Variants in ITGAE observed in about 807,000 individuals in gnomAD.
The protein encoded by ITGAE is integrin alpha-E.
Under a neutral mutation model 136.5 loss-of-function variants are expected in ITGAE, and 99 were observed. The ratio of observed to expected loss-of-function variants is 0.73; its 90% CI spans 0.62 to 0.86. The LOEUF (loss-of-function observed/expected upper bound fraction) is 0.86, where lower values mean the gene tolerates loss of function less well. Ranked by LOEUF, ITGAE falls within the 40% of genes least tolerant of loss-of-function variation. ITGAE has a pLI of 0.00. For missense variants in ITGAE, 1,447 were observed against 1,515.3 expected (o/e 0.95, Z 0.75); for synonymous variants, 613 against 591.8 (o/e 1.04, Z -0.52).
chr17:3,767,536 C>G (rs1416777508), intron 2 of ITGAE, among the ~76,000 whole-genome samples: 3 of 152,196 alleles, frequency 2.0e-5, no homozygotes. Context: ...CCTGACTCTC[C>G]AAATTATTTC....
chr17:3,792,058 C>G (rs1374419887), intron 1 of ITGAE, among the ~76,000 whole-genome samples: 1 of 152,116 alleles, frequency 6.6e-6, no homozygotes. Context: ...TCTCTCATCC[C>G]TGCATTTAAG....
chr17:3,751,748 C>T lies in ITGAE; in HGVS notation c.1795G>A (p.Ala599Thr). Residue 599 changes from alanine (A) to threonine (T), a missense_variant, in exon 15 of 31, where the codon GCC becomes ACC. By Grantham distance (58) the Ala-to-Thr change is moderately conservative. Transcript: ENST00000263087. ...TCTGCCCCAAAACCTTCCAGGGGGG[C>T]CCCGATGGCCACATCTGTGAGCTTA... Reference protein sequence around the residue: ...QDKLTDVAIGAPLEGFGADDG... With the variant: ...QDKLTDVAIGTPLEGFGADDG... The T allele has an allele frequency of 6.2e-7, 1 of 1,614,070 alleles. No individual in the cohort carries two copies. The highest frequency in any genetic ancestry group is 8.5e-7 in the Non-Finnish European group (1 of 1,179,966).
intron 19 of ITGAE, among the ~76,000 whole-genome samples, chr17:3,741,070 ATT>A (rs58434003): frequency 0.1 from 7,675 of 76,122 alleles, 96 homozygotes; most frequent in Non-Finnish European, 0.13. Flanking sequence ...TTTTTGTTGT[ATT>A]TTTTTTTTTT....
intron 14 of ITGAE, among the ~76,000 whole-genome samples, 196 bp from the exon 15 acceptor site, chr17:3,752,070 G>A (rs796403141): frequency 6.2e-4 from 87 of 140,594 alleles, no homozygotes; most frequent in African/African-American, 1.3e-3. Context: ...TGCCCACTCC[G>A]TTGCCACCCA....
At chr17:3,754,989 G>GCCCCCCC in intron 12 of ITGAE, 128 bp downstream of exon 12, 1 of 970,168 alleles carries the variant, frequency 1.0e-6, no homozygotes, top group South Asian at 2.0e-5. Flanking sequence ...TAGCCCCCAG[G>GCCCCCCC]CCCCACCCTC....
At chr17:3,761,607 T>C in intron 4 of ITGAE, 87 bp from the exon 5 acceptor site, 1 of 1,246,862 alleles carries the variant, frequency 8.0e-7, no homozygotes, top group Non-Finnish European at 1.1e-6. Context: ...ATTCCAGAAC[T>C]CAGTGGCTCA....
chr17:3,735,084 C>T, intron 20 of ITGAE, 135 bp from the exon 21 acceptor site: 1 of 973,616 alleles, frequency 1.0e-6, no homozygotes, highest in Non-Finnish European at 1.6e-6. Context: ...GCCTCCACTT[C>T]CTGGGTTCAA....
intron 2 of ITGAE, among the ~76,000 whole-genome samples, chr17:3,772,496 C>CGT (rs200547803): frequency 0.12 from 17,496 of 145,442 alleles, 1,583 homozygotes; most frequent in African/African-American, 0.22. Flanking sequence ...GACGGAGTCT[C>CGT]ACTGTCGCCC....
intron 1 of ITGAE, among the ~76,000 whole-genome samples, chr17:3,786,414 A>G (rs1292065604): frequency 1.3e-5 from 2 of 152,134 alleles, no homozygotes; most frequent in Non-Finnish European, 2.9e-5. Context: ...AGTTTATATA[A>G]ACTGTTTTAG....
chr17:3,745,550 C>T (rs757978453), intron 18 of ITGAE, among the ~76,000 whole-genome samples: 9 of 152,148 alleles, frequency 5.9e-5, no homozygotes, highest in Non-Finnish European at 1.3e-4. Flanking sequence ...CCGTGTTGGC[C>T]CGGCTGGTCT....
chr17:3,787,108 A>AT (rs71155803), intron 1 of ITGAE, among the ~76,000 whole-genome samples: 50,164 of 149,694 alleles, frequency 0.34, 10,066 homozygotes, highest in Non-Finnish European at 0.45. Context: ...ATCAGAGGGA[A>AT]TTTTTTTTTC....
intron 24 of ITGAE, 104 bp downstream of exon 24, chr17:3,729,370 ACAGT>A: frequency 1.3e-6 from 1 of 780,788 alleles, no homozygotes; most frequent in East Asian, 2.5e-5. Flanking sequence ...TCTCAGAAGG[ACAGT>A]GTCCACATTC....
At chr17:3,724,042 C>T (rs1340147811) in intron 26 of ITGAE, 2 of 1,595,642 alleles carry the variant, frequency 1.3e-6, no homozygotes, top group Non-Finnish European at 1.7e-6. Flanking sequence ...CAGTGGTTCC[C>T]GCCGCAGGAC....
Position 3,777,552 on chromosome 17 carries a change from G to C in ITGAE, c.143C>G (p.Thr48Ser). ...CGGCCCTACTCACCAGGTCTGGTTG[G>C]TGCTGGGGTCTTGGTGCAGAAGGGA... ...LSSLLHQDPSTNQTWLLVTSP... is the reference protein window; with the variant it reads ...LSSLLHQDPSSNQTWLLVTSP... The change falls in exon 2 of 31, where the codon ACC becomes AGC. Residue 48 changes from threonine (T) to serine (S), a missense_variant. Transcript: ENST00000263087. 5.0e-6 allele frequency: 8 copies of C among 1,613,646 alleles called. No individual in the cohort carries two copies. The highest frequency in any genetic ancestry group is 6.8e-6 in the Non-Finnish European group (8 of 1,179,712).
At position 3,745,868 on chromosome 17, in the gene ITGAE, G is replaced by A. The variant is rs151086522; in HGVS notation, c.2215C>T (p.Arg739Trp). 35 of 1,613,828 alleles carry A rather than the reference G, an allele frequency of 2.2e-5. No homozygotes were observed. The highest frequency in any genetic ancestry group is 5.5e-5 in the South Asian group (5 of 91,090). The change falls in exon 18 of 31, where the codon CGG becomes TGG. Residue 739 changes from arginine (R) to tryptophan (W), a missense_variant. Physicochemically the swap from Arg to Trp is moderately radical, Grantham distance 101 (BLOSUM62 -3). This residue lies in a region of ITGAE where 1,031 missense variants were observed against 1,011.4 expected (regional missense o/e 1.02). Coordinates refer to ENST00000263087, the MANE Select transcript of ITGAE (RefSeq NM_002208.5). ...CTTCTTACGTCTGAACACTGCAGCC[G>A]TCTCCTCTGCTTCCCCACATCCACA... is the stretch of plus-strand genomic sequence containing the variant. Reference protein sequence around the residue: ...LDVDVGKQRRRLQCSDVRSCL... With the variant: ...LDVDVGKQRRWLQCSDVRSCL...
rs191619595 is a variant in ITGAE, at chr17:3,789,891, G to A, written c.34+11220C>T. On this transcript the variant is annotated intron_variant, in intron 1 of 30. Transcript: ENST00000263087. ...GGATAAATTATTACTAATAAATGTA[G>A]GAAGAATAATAGAACCAAACTATTT... Among the ~76,000 whole-genome samples the A allele has an allele frequency of 5.2e-3, 798 of 152,256 alleles. 2 individuals carry two copies. The highest frequency in any genetic ancestry group is 0.014 in the Middle Eastern group (4 of 294).
chr17:3,800,316 T>C (rs778358440), intron 1 of ITGAE, among the ~76,000 whole-genome samples: 1 of 151,998 alleles, frequency 6.6e-6, no homozygotes, highest in Non-Finnish European at 1.5e-5. Flanking sequence ...TTCATCCACA[T>C]AAGCTTGATG....
At chr17:3,783,622 G>A (rs1445010970) in intron 1 of ITGAE, among the ~76,000 whole-genome samples, 1 of 152,092 alleles carries the variant, frequency 6.6e-6, no homozygotes, top group African/African-American at 2.4e-5. Context: ...TCTTTGGTTG[G>A]CTGGAATGCA....
At chr17:3,776,380 A>G (rs34131517) in intron 2 of ITGAE, among the ~76,000 whole-genome samples, 12,689 of 151,968 alleles carry the variant, frequency 0.083, 819 homozygotes, top group African/African-American at 0.16. Flanking sequence ...AGCCCTTTAC[A>G]TGCATTATCT....
Sources: allele counts gnomAD v4.1 joint callset (sites outside exome capture counted in the v4.1 genomes callset), GRCh38; gene constraint gnomAD v4.1.1; regional missense constraint gnomAD v4.1.1; transcripts MANE v1.5; gene names NCBI Gene and HGNC (gene_info 2026-07-23, HGNC 2026-07-21).